The following PCLO variants were observed in gnomAD, a reference collection of about 807,000 sequenced individuals.
PCLO encodes protein piccolo.
In PCLO, 82 loss-of-function variants were observed where a neutral mutation model predicts 427.5. That is an observed-to-expected ratio of 0.19 (90% CI 0.16 to 0.23). The LOEUF (loss-of-function observed/expected upper bound fraction) is 0.23, where lower values mean the gene tolerates loss of function less well. PCLO is among the 10% of genes least tolerant of loss of function. The probability of loss-of-function intolerance (pLI) is 1.00; values close to 1 mark genes in which losing one functional copy is unlikely to be tolerated. For synonymous variants in PCLO, 2,357 were observed against 2,155.4 expected, an observed-to-expected ratio of 1.09 and a Z score of -2.59; for missense variants, 6,239 against 6,115.9, an observed-to-expected ratio of 1.02 and a Z score of -0.67.
At chr7:83,060,228 C>T (rs1789510671) in intron 3 of PCLO, among the ~76,000 whole-genome samples, 1 of 152,118 alleles carries the variant, frequency 6.6e-6, no homozygotes, top group Non-Finnish European at 1.5e-5. Context: ...TTAAATAACA[C>T]TCCCAACACA....
At chr7:82,945,987 G>C (rs1795192107) in intron 6 of PCLO, among the ~76,000 whole-genome samples, 1 of 152,134 alleles carries the variant, frequency 6.6e-6, no homozygotes, top group Admixed American at 6.5e-5. Context: ...TCAGGGCACG[G>C]GTTTAGTAAG....
chr7:82,821,028 A>G, intron 20 of PCLO: 2 of 1,202,510 alleles, frequency 1.7e-6, no homozygotes, highest in Non-Finnish European at 2.1e-6. Context: ...ATATTTTATC[A>G]GACAATCTCT....
intron 22 of PCLO, among the ~76,000 whole-genome samples, chr7:82,798,408 G>C (rs1388638719): frequency 6.6e-6 from 1 of 152,104 alleles, no homozygotes; most frequent in East Asian, 1.9e-4. Flanking sequence ...TAAATTGGCT[G>C]TTTATGTTCA....
intron 23 of PCLO, 103 bp from the exon 24 acceptor site, chr7:82,760,887 G>T: frequency 2.7e-6 from 1 of 364,032 alleles, no homozygotes; most frequent in Middle Eastern, 9.3e-4. Context: ...TTTGCACAAA[G>T]CCAGCAGATT....
chr7:82,821,712 T>C (rs1392630034), intron 20 of PCLO: 5 of 983,372 alleles, frequency 5.1e-6, no homozygotes, highest in Non-Finnish European at 3.6e-6. Flanking sequence ...TGATTTCCAA[T>C]GGTTAGAAAA....
intron 6 of PCLO, among the ~76,000 whole-genome samples, chr7:82,929,510 G>A (rs1354537182): frequency 6.6e-6 from 1 of 152,026 alleles, no homozygotes; most frequent in African/African-American, 2.4e-5. Flanking sequence ...TTCTACATTA[G>A]CATATATGAT....
intron 6 of PCLO, among the ~76,000 whole-genome samples, chr7:82,926,357 C>G (rs1794712220): frequency 6.6e-6 from 1 of 152,026 alleles, no homozygotes; most frequent in Non-Finnish European, 1.5e-5. Flanking sequence ...AACAATATAC[C>G]ATTTGTGAAA....
At chr7:82,844,928 A>G (rs557470522) in intron 13 of PCLO, among the ~76,000 whole-genome samples, 50 of 152,230 alleles carry the variant, frequency 3.3e-4, no homozygotes, top group Middle Eastern at 3.4e-3. Flanking sequence ...CTAATGTAAT[A>G]TGTACCTTTT....
intron 22 of PCLO, among the ~76,000 whole-genome samples, chr7:82,774,306 TAGAC>T (rs1215191880): frequency 6.6e-6 from 1 of 152,196 alleles, no homozygotes; most frequent in Non-Finnish European, 1.5e-5. Context: ...TTCCATCTAT[TAGAC>T]AGTCCCATTT....
At chr7:82,855,949 G>T (rs1187885927) in intron 10 of PCLO, among the ~76,000 whole-genome samples, 1 of 152,104 alleles carries the variant, frequency 6.6e-6, no homozygotes, top group Non-Finnish European at 1.5e-5. Flanking sequence ...TTGCCAAGAG[G>T]TGCCTTTAGA....
At chr7:82,879,513 A>G (rs2116044339) in intron 9 of PCLO, 51 bp from the exon 10 acceptor site, 3 of 1,358,238 alleles carry the variant, frequency 2.2e-6, no homozygotes, top group East Asian at 5.0e-5. Flanking sequence ...AAGGGACAAT[A>G]GTTATCACAA....
intron 2 of PCLO, among the ~76,000 whole-genome samples, 152 bp from the exon 3 acceptor site, chr7:83,135,808 T>G (rs114333063): frequency 0.038 from 5,755 of 152,168 alleles, 381 homozygotes; most frequent in African/African-American, 0.13. Flanking sequence ...GATATTAAAA[T>G]ATAATTAATT....
At chr7:83,017,930 T>G (rs1458509876) in intron 3 of PCLO, 3 of 152,052 alleles carry the variant, frequency 2.0e-5, no homozygotes, top group African/African-American at 7.2e-5. Context: ...ATTCACCTGA[T>G]CTGATCTTGG....
chr7:82,979,906 T>A (rs979863413), intron 3 of PCLO, among the ~76,000 whole-genome samples: 1 of 152,184 alleles, frequency 6.6e-6, no homozygotes, highest in Non-Finnish European at 1.5e-5. Flanking sequence ...AAGTGAATAC[T>A]AGTTCACATA....
intron 3 of PCLO, among the ~76,000 whole-genome samples, chr7:82,992,848 C>T (rs1796409323): frequency 6.6e-6 from 1 of 151,046 alleles, no homozygotes; most frequent in Non-Finnish European, 1.5e-5. Context: ...ATTCATTCAC[C>T]AAGGAATTGT....
At chr7:82,896,251 G>C (rs930014059) in intron 9 of PCLO, among the ~76,000 whole-genome samples, 2 of 151,700 alleles carry the variant, frequency 1.3e-5, no homozygotes, top group Non-Finnish European at 2.9e-5. Flanking sequence ...AAATATGGGA[G>C]AAAATCTCAC....
intron 3 of PCLO, among the ~76,000 whole-genome samples, chr7:82,981,518 C>T (rs1439266088): frequency 6.6e-6 from 1 of 152,088 alleles, no homozygotes. Context: ...GACTAAATGA[C>T]ATATGTCAAA....
chr7:82,879,518 T>C (rs1793451899), intron 9 of PCLO, 56 bp from the exon 10 acceptor site: 1 of 1,363,608 alleles, frequency 7.3e-7, no homozygotes, highest in African/African-American at 1.5e-5. Flanking sequence ...ACAATAGTTA[T>C]CACAAGTTAC....
chr7:82,994,084 TGAAAG>T (rs1305752000), intron 3 of PCLO, among the ~76,000 whole-genome samples: 1 of 152,074 alleles, frequency 6.6e-6, no homozygotes, highest in Non-Finnish European at 1.5e-5. Flanking sequence ...CATTTTTGAA[TGAAAG>T]GAAGTTTTGT....
Sources: allele counts gnomAD v4.1 joint callset (sites outside exome capture counted in the v4.1 genomes callset), GRCh38; gene constraint gnomAD v4.1.1; transcripts MANE v1.5; gene names NCBI Gene and HGNC (gene_info 2026-07-23, HGNC 2026-07-21).